Variants in CNBD2 observed in about 807,000 individuals in gnomAD.
CNBD2 encodes cyclic nucleotide binding domain containing 2, also known as cyclic nucleotide-binding domain-containing protein 2.
Under a neutral mutation model 63.7 loss-of-function variants are expected in CNBD2, and 64 were observed. That is an observed-to-expected ratio of 1.00 (90% CI 0.82 to 1.24). The LOEUF (loss-of-function observed/expected upper bound fraction) is 1.24. Ranked by LOEUF, CNBD2 falls within the 50% of genes most tolerant of loss-of-function variation. The probability of loss-of-function intolerance (pLI) is 0.00; values close to 1 mark genes in which losing one functional copy is unlikely to be tolerated. For synonymous variants in CNBD2, 229 were observed against 255.4 expected (o/e 0.90, Z 0.99); for missense variants, 691 against 713.5 (o/e 0.97, Z 0.36).
At position 36,030,637 on chromosome 20, in the gene CNBD2, C is replaced by T. The variant is rs983450899; in HGVS notation, c.1720C>T (p.Leu574Phe). The T allele has an allele frequency of 7.4e-6, 12 of 1,614,028 alleles. No individual in the cohort carries two copies. The highest frequency in any genetic ancestry group is 9.3e-6 in the Non-Finnish European group (11 of 1,180,034). The change falls in exon 12 of 12, where the codon CTC becomes TTC. Residue 574 changes from leucine to phenylalanine, a missense_variant. Leu to Phe is a conservative substitution (Grantham distance 22). Transcript: ENST00000373973. ...AGCACCTCGGTACAAAATCCGAGAA[C>T]TCTTGGCTTAGTGTAAGAGCACAGG... ...IKAPRYKIRE[L>F]LA is the part of the protein sequence containing the mutation.
rs2056869063 is a variant in CNBD2, at chr20:35,999,555, T to C, written c.970+4403T>C. ...TACCACTTCATGTATAGAATCAGAATCTTACAATGATATATTTCCATTTTC... is the reference window on the plus strand; with the variant it reads ...TACCACTTCATGTATAGAATCAGAACCTTACAATGATATATTTCCATTTTC... On this transcript the variant is annotated intron_variant, in intron 8 of 11. Coordinates refer to ENST00000373973, the MANE Select transcript of CNBD2 (RefSeq NM_001365709.1). Among the ~76,000 whole-genome samples, 2 of 152,224 alleles carry C rather than the reference T, an allele frequency of 1.3e-5. 1 individual carries two copies. The highest frequency in any genetic ancestry group is 4.1e-4 in the South Asian group (2 of 4,836).
chr20:36,028,202 C>A (rs1349719733), intron 11 of CNBD2, among the ~76,000 whole-genome samples: 1 of 152,026 alleles, frequency 6.6e-6, no homozygotes, highest in Non-Finnish European at 1.5e-5. Flanking sequence ...TGATGGGGAT[C>A]AGTTAATATC....
At chr20:35,954,538 G>A, upstream of CNBD2, 2 of 1,510,214 alleles carry the variant, frequency 1.3e-6, no homozygotes. Context: ...GAAGCCGCTT[G>A]CGGGCTCCCG....
At chr20:35,986,512 G>A (rs2056669591) in intron 6 of CNBD2, among the ~76,000 whole-genome samples, 1 of 152,156 alleles carries the variant, frequency 6.6e-6, no homozygotes, top group Admixed American at 6.6e-5. Flanking sequence ...ATGATCATGG[G>A]AAGTGTATGG....
intron 11 of CNBD2, among the ~76,000 whole-genome samples, chr20:36,023,994 A>G (rs556889129): frequency 1.3e-5 from 2 of 152,352 alleles, no homozygotes; most frequent in African/African-American, 4.8e-5. Context: ...ACAGAGATTC[A>G]TCTGTGAATT....
intron 7 of CNBD2, among the ~76,000 whole-genome samples, chr20:35,990,251 G>A (rs779073094): frequency 1.3e-5 from 2 of 152,164 alleles, no homozygotes; most frequent in Non-Finnish European, 2.9e-5. Flanking sequence ...AAAAGAAAAT[G>A]CTTATAATGC....
In CNBD2 at chr20:36,030,571, C is replaced by T. The variant is rs777128631; in HGVS notation, c.1654C>T (p.Gln552Ter). Residue 552 changes from glutamine (Q) to a stop codon, truncating the protein, a stop_gained, in exon 12 of 12, where the codon CAG (glutamine) becomes TAG (stop). Coordinates refer to ENST00000373973, the MANE Select transcript of CNBD2 (RefSeq NM_001365709.1). LOFTEE classifies it high-confidence loss of function. ...KPRYPIFMAP[Q>*]KYLPPLRIVQ... ...TCGTTATCCTATTTTTATGGCACCC[C>T]AGAAATACCTCCCCCCATTGAGGAT... is the stretch of plus-strand genomic sequence containing the variant. 1 of 1,614,146 alleles carries T rather than the reference C, an allele frequency of 6.2e-7. No individual in the cohort carries two copies. Among genetic ancestry groups the T allele is most frequent in the South Asian group, 1.1e-5 (1 of 91,092 alleles).
At chr20:36,007,221 A>G (rs900352114) in intron 8 of CNBD2, among the ~76,000 whole-genome samples, 1 of 148,612 alleles carries the variant, frequency 6.7e-6, no homozygotes, top group Non-Finnish European at 1.5e-5. Context: ...AATAAATAAG[A>G]TCATACAGTA....
At position 35,987,525 on chromosome 20, in the gene CNBD2, A is replaced by G. The variant is rs202169793; in HGVS notation, c.847A>G (p.Ile283Val). Reference protein sequence around the residue: ...DFGESPFIMFISKGSCEVLRL... With the variant: ...DFGESPFIMFVSKGSCEVLRL... ...TGGAGAGTCACCCTTCATCATGTTT[A>G]TCAGCAAGGTGAAAAGTCTGGGGGT... The change falls in exon 7 of 12, where the codon ATC (isoleucine) becomes GTC (valine). Residue 283 changes from isoleucine (I) to valine (V), a missense_variant. Ile to Val is a conservative substitution (Grantham distance 29). Transcript: ENST00000373973. 2 of 1,614,158 alleles carry G rather than the reference A, an allele frequency of 1.2e-6. No homozygotes were observed. Among genetic ancestry groups the G allele is most frequent in the Non-Finnish European group, 1.7e-6 (2 of 1,180,020 alleles).
At chr20:36,024,936 A>G (rs1457862480) in intron 11 of CNBD2, among the ~76,000 whole-genome samples, 2 of 152,238 alleles carry the variant, frequency 1.3e-5, no homozygotes, top group African/African-American at 4.8e-5. Flanking sequence ...ATCTGTCTCA[A>G]ACAAAAATAA....
rs1250343066 is a variant in CNBD2, at chr20:36,019,322, C to T, written c.1270-4280C>T. On this transcript the variant is annotated intron_variant, in intron 10 of 11. Coordinates refer to ENST00000373973, the MANE Select transcript of CNBD2 (RefSeq NM_001365709.1). ...AGGAGGATGGCTGAGGCCAGGATTT[C>T]GAGACCAGCCTGGGCAACATGATGA... Among the ~76,000 whole-genome samples the T allele has an allele frequency of 4.0e-5, 6 of 151,798 alleles. No homozygotes were observed. The East Asian group carries it at 5.8e-4, about 15-fold the overall frequency.
At chr20:36,007,259 T>G (rs1401780101) in intron 8 of CNBD2, among the ~76,000 whole-genome samples, 1 of 152,190 alleles carries the variant, frequency 6.6e-6, no homozygotes, top group African/African-American at 2.4e-5. Flanking sequence ...CTTCTTTTAC[T>G]TAGCATGCTG....
chr20:35,984,523 G>GGAGA, intron 5 of CNBD2, 104 bp from the exon 6 acceptor site: 1 of 1,239,042 alleles, frequency 8.1e-7, no homozygotes, highest in East Asian at 2.5e-5. Context: ...AGTCTGGTGA[G>GGAGA]GAGAGAATTC....
At chr20:35,990,596 C>T (rs1199462712) in intron 7 of CNBD2, among the ~76,000 whole-genome samples, 6 of 151,852 alleles carry the variant, frequency 4.0e-5, no homozygotes, top group African/African-American at 1.5e-4. Flanking sequence ...CCACTGCACT[C>T]CAGCCTGGGC....
intron 4 of CNBD2, among the ~76,000 whole-genome samples, chr20:35,981,003 A>C (rs1229920480): frequency 6.6e-6 from 1 of 152,156 alleles, no homozygotes; most frequent in Non-Finnish European, 1.5e-5. Flanking sequence ...GCTTGGGATG[A>C]ATTCTTTCTG....
At chr20:35,968,307 G>C (rs1206853222), upstream of CNBD2, among the ~76,000 whole-genome samples, 1 of 152,116 alleles carries the variant, frequency 6.6e-6, no homozygotes, top group Non-Finnish European at 1.5e-5. Context: ...AGTGTCTTAT[G>C]TTAATGAGGG....
At position 36,024,014 on chromosome 20, in the gene CNBD2, G is replaced by A. The variant is rs1007133540; in HGVS notation, c.1439+243G>A. 8.7e-4 allele frequency among the ~76,000 whole-genome samples: 133 copies of A among 152,306 alleles called. 2 individuals carry two copies. The highest frequency in any genetic ancestry group is 8.6e-3 in the Admixed American group (131 of 15,300). ...GATTCATCTGTGAATTTATAGAGCC[G>A]AAATATGGAGAAAGCCCTGCATTAA... On this transcript the variant is annotated intron_variant, in intron 11 of 11. Transcript: ENST00000373973.
intron 11 of CNBD2, among the ~76,000 whole-genome samples, chr20:36,026,607 C>A (rs940086101): frequency 1.3e-5 from 2 of 152,188 alleles, no homozygotes; most frequent in African/African-American, 4.8e-5. Flanking sequence ...CTCACTCCAG[C>A]AGCCCAGGCG....
At chr20:35,992,415 C>A (rs1289731187) in intron 7 of CNBD2, among the ~76,000 whole-genome samples, 1 of 152,170 alleles carries the variant, frequency 6.6e-6, no homozygotes, top group Non-Finnish European at 1.5e-5. Flanking sequence ...AGCATACAAA[C>A]ACATAGGGTG....
Sources: allele counts gnomAD v4.1 joint callset (sites outside exome capture counted in the v4.1 genomes callset), GRCh38; gene constraint gnomAD v4.1.1; transcripts MANE v1.5; gene names NCBI Gene and HGNC (gene_info 2026-07-23, HGNC 2026-07-21).